Variants in CHD4 observed in about 807,000 individuals in gnomAD.
CHD4 encodes ATP-dependent chromatin remodeler CHD4.
Under a neutral mutation model 235.5 loss-of-function variants are expected in CHD4, and 35 were observed. The observed-to-expected ratio is 0.15, with a 90% CI of 0.11 to 0.20. CHD4 has a LOEUF of 0.20. CHD4 is among the 10% of genes least tolerant of loss of function. The probability of loss-of-function intolerance (pLI) is 1.00; values close to 1 mark genes in which losing one functional copy is unlikely to be tolerated. For synonymous variants in CHD4, 900 were observed against 850.2 expected (o/e 1.06, Z -1.02); for missense variants, 1,329 against 2,432.3 (o/e 0.55, Z 9.54).
At position 6,602,192 on chromosome 12, in the gene CHD4, G is replaced by GGGGA. The variant is rs763710115; in HGVS notation, c.223-21_223-18dup. On this transcript the variant is annotated splice_polypyrimidine_tract_variant and intron_variant, in intron 3 of 39. Transcript: ENST00000544040. ...GAGCATACGCTGGAGCAGGGCAAGG[G>GGGGA]GGGAAGAGGGAGACAGACACACACA... The GGGGA allele has an allele frequency of 5.6e-6, 9 of 1,613,182 alleles. No homozygotes were observed. The highest frequency in any genetic ancestry group is 7.6e-6 in the Non-Finnish European group (9 of 1,179,398).
Position 6,570,101 on chromosome 12 carries a change from TATTTTCA to T in CHD4, c.*568_*574del, listed in dbSNP as rs1195793174. ...GAGCACTAAAATACAAGGAAACTTT[TATTTTCA>T]ATTTTCATCAAGAAATTTGCTGTGG... On this transcript the variant is annotated 3_prime_UTR_variant, in exon 40 of 40. Transcript: ENST00000544040. 6.5e-6 allele frequency: 1 copy of T among 153,024 alleles called. No homozygotes were observed. The highest frequency in any genetic ancestry group is 1.9e-4 in the East Asian group (1 of 5,204). The allele number at this position is 153,024 out of a possible 1,614,324, so 9.5% of individuals were successfully genotyped here.
At chr12:6,581,945 GGTGCC>G in intron 30 of CHD4, 131 bp from the exon 31 acceptor site, 4 of 1,220,560 alleles carry the variant, frequency 3.3e-6, no homozygotes, top group Non-Finnish European at 4.4e-6. Context: ...TGGGAATACA[GGTGCC>G]CGCCACCACG....
At chr12:6,582,559 C>G in intron 29 of CHD4, 56 bp downstream of exon 29, 3 of 1,554,996 alleles carry the variant, frequency 1.9e-6, no homozygotes, top group Non-Finnish European at 2.6e-6. Context: ...ATGGAATGAC[C>G]AGATAGATAG....
chr12:6,586,925 T>C (rs1419794656), intron 25 of CHD4: 1 of 153,736 alleles, frequency 6.5e-6, no homozygotes, highest in African/African-American at 2.4e-5. Context: ...CTCAAACTCC[T>C]GGCCTCAAGT....
At chr12:6,606,649 G>A (rs1012289698) in intron 1 of CHD4, 198 bp from the exon 2 acceptor site, 3 of 353,940 alleles carry the variant, frequency 8.5e-6, no homozygotes, top group South Asian at 1.2e-4. Flanking sequence ...ACGGAGCGAG[G>A]GAGCGACGCC....
intron 12 of CHD4, 79 bp downstream of exon 12, chr12:6,597,815 T>C (rs1018652798): frequency 1.6e-6 from 2 of 1,263,610 alleles, no homozygotes; most frequent in Non-Finnish European, 2.3e-6. Context: ...TCTAAGTTAC[T>C]GGTGACAGCC....
Position 6,588,436 on chromosome 12 carries a change from C to A in CHD4, c.3341-14G>T. On this transcript the variant is annotated splice_polypyrimidine_tract_variant and intron_variant, in intron 22 of 39. Coordinates refer to ENST00000544040, the MANE Select transcript of CHD4 (RefSeq NM_001273.5). Reference sequence around the variant, plus strand: ...GAGCACCCGGTGCTAATAAAAGAACCAAAAACACCATTAGAAGTGTCTCCT... The same window carrying A: ...GAGCACCCGGTGCTAATAAAAGAACAAAAAACACCATTAGAAGTGTCTCCT... 1.9e-6 allele frequency: 3 copies of A among 1,610,576 alleles called. No individual in the cohort carries two copies. The highest frequency in any genetic ancestry group is 8.5e-7 in the Non-Finnish European group (1 of 1,178,974).
chr12:6,600,210 C>T lies in CHD4; in HGVS notation c.1242+7G>A, dbSNP rs1948565457. On this transcript the variant is annotated splice_region_variant and intron_variant, in intron 9 of 39. Coordinates refer to ENST00000544040, the MANE Select transcript of CHD4 (RefSeq NM_001273.5). ...GTTCCAAGGGGCCACAATGGCCAGA[C>T]ACTCACGCAGTGTGGGCAGCTCCAC... 6 of 1,613,798 alleles carry T rather than the reference C, an allele frequency of 3.7e-6. No homozygotes were observed. The highest frequency in any genetic ancestry group is 4.2e-6 in the Non-Finnish European group (5 of 1,179,818).
chr12:6,575,159 A>G (rs1948046724), intron 37 of CHD4, among the ~76,000 whole-genome samples: 1 of 152,152 alleles, frequency 6.6e-6, no homozygotes, highest in Non-Finnish European at 1.5e-5. Context: ...TTTAATAGAA[A>G]AGGTGTGGTT....
At chr12:6,595,940 G>A (rs372098743) in intron 13 of CHD4, 66 bp downstream of exon 13, 12 of 1,499,980 alleles carry the variant, frequency 8.0e-6, no homozygotes, top group South Asian at 2.6e-5. Flanking sequence ...CTTGGTGACA[G>A]AGCAAGACTC....
rs568191723 is a variant in CHD4, at chr12:6,598,354, T to C, written c.1554A>G (p.Pro518=). 1.2e-6 allele frequency: 2 copies of C among 1,613,958 alleles called. No individual in the cohort carries two copies. Among genetic ancestry groups the C allele is most frequent in the Non-Finnish European group, 1.7e-6 (2 of 1,179,972 alleles). ...WKWGQPPSPT[P]VPRPPDADPN... ...GATCAGCATCTGGAGGCCGAGGCAC[T>C]GGTGTGGGAGATGGTGGCTGACCCC... Residue 518 remains proline, a synonymous_variant, in exon 11 of 40, where the codon CCA becomes CCG. Transcript: ENST00000544040.
rs1287956322 is a variant in CHD4 at position 6,582,161 on chromosome 12, A to G, written c.4491T>C (p.Gly1497=). The G allele has an allele frequency of 1.9e-6, 3 of 1,586,834 alleles. No individual in the cohort carries two copies. The highest frequency in any genetic ancestry group is 1.4e-5 in the African/African-American group (1 of 72,430). Reference sequence around the variant, plus strand: ...CCTTCTTGCGAATCAAAGACATAACACCAATTCTAGTAAGGACATGCTGGC... The same window carrying G: ...CCTTCTTGCGAATCAAAGACATAACGCCAATTCTAGTAAGGACATGCTGGC... ...LSRQHVLTRI[G]VMSLIRKKVQ... Residue 1497 remains glycine, a synonymous_variant, in exon 30 of 40, where the codon GGT becomes GGC. Coordinates refer to ENST00000544040, the MANE Select transcript of CHD4 (RefSeq NM_001273.5).
chr12:6,605,572 A>G (rs1432267819), intron 2 of CHD4, among the ~76,000 whole-genome samples: 2 of 152,148 alleles, frequency 1.3e-5, no homozygotes, highest in African/African-American at 2.4e-5. Flanking sequence ...ATAGAGACAG[A>G]AGCCACTAGG....
At position 6,582,050 on chromosome 12, in the gene CHD4, G is replaced by A. The variant is rs111683971; in HGVS notation, c.4515+87C>T. ...ACTCCTGACCTCAAGTGATCCACCC[G>A]CCTCAGCCTCCCAAAGTGCTGGGAT... is the stretch of plus-strand genomic sequence containing the variant. On this transcript the variant is annotated intron_variant, in intron 30 of 39. Transcript: ENST00000544040. The A allele has an allele frequency of 1.0e-3, 1,436 of 1,385,194 alleles. 1 individual carries two copies. The highest frequency in any genetic ancestry group is 1.3e-3 in the Non-Finnish European group (1,370 of 1,036,582). 85.8% of individuals were successfully genotyped at this position (1,385,194 alleles called of 1,614,324 possible).
At position 6,594,667 on chromosome 12, in the gene CHD4, A is replaced by G. The variant is rs1218796479; in HGVS notation, c.2122-17T>C. The G allele has an allele frequency of 3.1e-6, 5 of 1,606,706 alleles. No homozygotes were observed. The highest frequency in any genetic ancestry group is 1.7e-5 in the Admixed American group (1 of 59,314). ...CACTGTTGGCTGAAGGATGAAACAG[A>G]GAAGTCAAGAGCTGGCAAGGAACTC... On this transcript the variant is annotated splice_polypyrimidine_tract_variant and intron_variant, in intron 14 of 39. Coordinates refer to ENST00000544040, the MANE Select transcript of CHD4 (RefSeq NM_001273.5).
intron 10 of CHD4, 93 bp downstream of exon 10, chr12:6,599,680 A>T: frequency 6.6e-7 from 1 of 1,508,082 alleles, no homozygotes; most frequent in Non-Finnish European, 9.1e-7. Flanking sequence ...TGAAAAGCTC[A>T]TAGTTCCTCT....
Position 6,602,461 on chromosome 12 carries a change from G to A in CHD4, c.137C>T (p.Thr46Ile), listed in dbSNP as rs771142773. 1.5e-5 allele frequency: 25 copies of A among 1,613,814 alleles called. No homozygotes were observed. Among genetic ancestry groups the A allele is most frequent in the Non-Finnish European group, 4.2e-6 (5 of 1,180,012 alleles). The stretch of plus-strand genomic sequence containing the variant: ...CTTCTTCTTGAGCTTTGGAGTCTCT[G>A]TTTCTGACAAATCCTCTTCTGGGTC... ...EEDPEEDLSE[T>I]ETPKLKKKKK... is the part of the protein sequence containing the mutation. Residue 46 changes from threonine to isoleucine, a missense_variant, in exon 3 of 40, where the codon ACA (threonine) becomes ATA (isoleucine). By Grantham distance (89) the Thr-to-Ile change is moderately conservative. This residue lies in a region of CHD4 where 213 missense variants were observed against 177.5 expected (regional missense o/e 1.20). Coordinates refer to ENST00000544040, the MANE Select transcript of CHD4 (RefSeq NM_001273.5).
Position 6,583,008 on chromosome 12 carries a change from A to G in CHD4, c.4147+19T>C, listed in dbSNP as rs1948222722. The G allele has an allele frequency of 6.3e-7, 1 of 1,587,118 alleles. No individual in the cohort carries two copies. The highest frequency in any genetic ancestry group is 1.4e-5 in the African/African-American group (1 of 73,588). On this transcript the variant is annotated intron_variant, in intron 27 of 39. Transcript: ENST00000544040. The stretch of plus-strand genomic sequence containing the variant: ...CAAAGCAACATTTAGAAAAGCAACA[A>G]AAAAAGCACAGCCCTCACCTTCTGA...
intron 37 of CHD4, 70 bp from the exon 38 acceptor site, chr12:6,573,339 C>G: frequency 7.9e-7 from 1 of 1,270,020 alleles, no homozygotes; most frequent in Non-Finnish European, 1.1e-6. Context: ...ACTGGCCTCT[C>G]AGCTCACCTC....
Sources: allele counts gnomAD v4.1 joint callset (sites outside exome capture counted in the v4.1 genomes callset), GRCh38; gene constraint gnomAD v4.1.1; regional missense constraint gnomAD v4.1.1; transcripts MANE v1.5; gene names NCBI Gene and HGNC (gene_info 2026-07-23, HGNC 2026-07-21).